The following PARD3B variants were observed in gnomAD, a reference collection of about 807,000 sequenced individuals.
The protein encoded by PARD3B is par-3 family cell polarity regulator beta.
PARD3B carries 103 observed loss-of-function variants against 130.2 expected under a neutral mutation model. The observed-to-expected ratio is 0.79, with a 90% CI of 0.67 to 0.93. The LOEUF is 0.93. PARD3B is among the 40% of genes least tolerant of loss of function. PARD3B has a pLI of 0.00. For synonymous variants in PARD3B, 583 were observed against 553.2 expected, an observed-to-expected ratio of 1.05 and a Z score of -0.76; for missense variants, 1,609 against 1,499.2, an observed-to-expected ratio of 1.07 and a Z score of -1.21.
intron 19 of PARD3B, among the ~76,000 whole-genome samples, chr2:205,401,732 G>T (rs2046259658): frequency 6.6e-6 from 1 of 152,142 alleles, no homozygotes; most frequent in Non-Finnish European, 1.5e-5. Flanking sequence ...ACGTATCTTT[G>T]ATGTTAACTC....
In PARD3B at chr2:204,624,977, A is replaced by G. The variant is rs554404182; in HGVS notation, c.121-61204A>G. On this transcript the variant is annotated intron_variant, in intron 1 of 22. Transcript: ENST00000406610. ...TTGTGGGTTTAGTTTACATTTCCCT[A>G]ATGGCTAGTGATGTTGAACCTTTTT... Among the ~76,000 whole-genome samples, 229 of 152,184 alleles carry G rather than the reference A, an allele frequency of 1.5e-3. 1 individual carries two copies. Among genetic ancestry groups the G allele is most frequent in the African/African-American group, 5.4e-3 (223 of 41,528 alleles).
chr2:205,316,699 T>C (rs562887203), intron 18 of PARD3B, among the ~76,000 whole-genome samples: 75 of 152,244 alleles, frequency 4.9e-4, no homozygotes, highest in African/African-American at 1.8e-3. Flanking sequence ...TATGTGCCCT[T>C]CTCTACCTCT....
In PARD3B at chr2:205,124,377, G is replaced by A; in HGVS notation, c.1216G>A (p.Gly406Ser). 1 of 1,599,218 alleles carries A rather than the reference G, an allele frequency of 6.3e-7. No individual in the cohort carries two copies. The change falls in exon 9 of 23, where the codon GGT (glycine) becomes AGT (serine). Residue 406 changes from glycine to serine, a missense_variant. Coordinates refer to ENST00000406610, the MANE Select transcript of PARD3B (RefSeq NM_001302769.2). ...TVVTRDSSIHGPGPIFVKNIL... is the reference protein window; with the variant it reads ...TVVTRDSSIHSPGPIFVKNIL... Reference sequence around the variant, plus strand: ...GGTTACCAGAGACTCTTCCATACATGGTCCCGGTCCCATTTTTGTAAAAAA... The same window carrying A: ...GGTTACCAGAGACTCTTCCATACATAGTCCCGGTCCCATTTTTGTAAAAAA...
rs372406832 is a variant in PARD3B at position 205,550,923 on chromosome 2, A to ATGTG, written c.3181-2385_3181-2382dup. On this transcript the variant is annotated intron_variant, in intron 21 of 22. Transcript: ENST00000406610. The surrounding 1 kb of genome is among the most constrained non-coding windows in gnomAD (Gnocchi z 4.5). ...AATCATGTTATAAATACATATAATTATGTGTGTGTGTGTGTGTGTATATAT... is the reference window on the plus strand; with the variant it reads ...AATCATGTTATAAATACATATAATTATGTGTGTGTGTGTGTGTGTGTGTATATAT... Among the ~76,000 whole-genome samples, 2 of 135,058 alleles carry ATGTG rather than the reference A, an allele frequency of 1.5e-5. No individual in the cohort carries two copies. Among genetic ancestry groups the ATGTG allele is most frequent in the South Asian group, 2.4e-4 (1 of 4,206 alleles). The allele number at this position is 135,058 out of a possible 152,430, so 88.6% of individuals were successfully genotyped here.
intron 2 of PARD3B, among the ~76,000 whole-genome samples, chr2:204,896,505 A>G (rs1405541969): frequency 6.6e-6 from 1 of 152,182 alleles, no homozygotes; most frequent in Non-Finnish European, 1.5e-5. Flanking sequence ...TATATATGAA[A>G]TGGAGGTAAC....
chr2:204,750,630 A>C (rs760182404), intron 2 of PARD3B, among the ~76,000 whole-genome samples: 1 of 149,246 alleles, frequency 6.7e-6, no homozygotes, highest in Non-Finnish European at 1.5e-5. Flanking sequence ...ACATACATAC[A>C]TACACACACA....
rs77857034 is a variant in PARD3B at position 205,030,177 on chromosome 2, T to C, written c.395-17404T>C. 1.2e-4 allele frequency among the ~76,000 whole-genome samples: 18 copies of C among 152,212 alleles called. 1 individual carries two copies. The East Asian group carries it at 3.5e-3, about 29-fold the overall frequency. On this transcript the variant is annotated intron_variant, in intron 3 of 22. Coordinates refer to ENST00000406610, the MANE Select transcript of PARD3B (RefSeq NM_001302769.2). ...CAGCCCACAGATTGAGAAAACCCTG[T>C]TTTTGAGGACAGAGATAGTCCCCTG...
chr2:204,670,516 A>C (rs1050814278), intron 1 of PARD3B, among the ~76,000 whole-genome samples: 2 of 152,230 alleles, frequency 1.3e-5, no homozygotes, highest in African/African-American at 4.8e-5. Flanking sequence ...TAATGTATGA[A>C]TCAAGGGATA....
At position 205,265,345 on chromosome 2, in the gene PARD3B, C is replaced by T. The variant is rs533757553; in HGVS notation, c.2185+19523C>T. 1.3e-5 allele frequency among the ~76,000 whole-genome samples: 2 copies of T among 152,108 alleles called. No individual in the cohort carries two copies. Among genetic ancestry groups the T allele is most frequent in the South Asian group, 4.1e-4 (2 of 4,828 alleles). On this transcript the variant is annotated intron_variant, in intron 16 of 22. Coordinates refer to ENST00000406610, the MANE Select transcript of PARD3B (RefSeq NM_001302769.2). This position sits in a 1 kb window ranked among gnomAD's most constrained non-coding sequence, Gnocchi z 4.3. ...CAAGTTGGCGGATCTGATCATCAGT[C>T]TCTAAATGTTAGTAATCATTTGGTT...
chr2:205,004,196 A>C (rs962113932), intron 3 of PARD3B, among the ~76,000 whole-genome samples: 17 of 152,266 alleles, frequency 1.1e-4, no homozygotes, highest in African/African-American at 4.1e-4. Flanking sequence ...TTAGCCCTGA[A>C]GGCTCTTTGT....
chr2:205,097,611 C>T (rs1702477518), intron 4 of PARD3B, among the ~76,000 whole-genome samples: 1 of 152,148 alleles, frequency 6.6e-6, no homozygotes, highest in Non-Finnish European at 1.5e-5. Context: ...TCACCCTAGA[C>T]CTACTGCAGT....
rs148450834 is a variant in PARD3B, at chr2:205,235,193, G to T, written c.2141-10585G>T. Among the ~76,000 whole-genome samples the T allele has an allele frequency of 6.4e-3, 977 of 152,218 alleles. 13 individuals carry two copies. The highest frequency in any genetic ancestry group is 0.022 in the African/African-American group (921 of 41,534). On this transcript the variant is annotated intron_variant, in intron 15 of 22. Transcript: ENST00000406610. ...CACAGCAATTTGGGAGGCTGAGGTG[G>T]GCAGATCATTTGAGCGTAGGAGTTT... is the stretch of plus-strand genomic sequence containing the variant.
At chr2:204,808,030 T>G (rs2042836123) in intron 2 of PARD3B, among the ~76,000 whole-genome samples, 1 of 152,056 alleles carries the variant, frequency 6.6e-6, no homozygotes, top group African/African-American at 2.4e-5. Flanking sequence ...TACTCTAATG[T>G]GATTATTACA....
At chr2:204,684,263 A>G (rs990602644) in intron 1 of PARD3B, among the ~76,000 whole-genome samples, 10 of 152,178 alleles carry the variant, frequency 6.6e-5, no homozygotes, top group African/African-American at 2.2e-4. Flanking sequence ...GCCTGCTTTT[A>G]AGTACAAATA....
chr2:205,103,123 A>T (rs1702907093), intron 4 of PARD3B, among the ~76,000 whole-genome samples: 1 of 134,248 alleles, frequency 7.4e-6, no homozygotes, highest in Admixed American at 8.0e-5. Flanking sequence ...TTTTATATTT[A>T]TGTAAAATAA....
intron 2 of PARD3B, among the ~76,000 whole-genome samples, chr2:204,724,423 A>C (rs2039128597): frequency 6.6e-6 from 1 of 152,154 alleles, no homozygotes; most frequent in Non-Finnish European, 1.5e-5. Context: ...TAATGTATTC[A>C]CAGCAAGGAT....
intron 1 of PARD3B, among the ~76,000 whole-genome samples, chr2:204,649,516 A>T (rs1177527587): frequency 6.6e-6 from 1 of 152,026 alleles, no homozygotes; most frequent in East Asian, 1.9e-4. Flanking sequence ...AGAAAGAAAC[A>T]TCATTATTAT....
At chr2:205,378,448 T>A (rs1367831703) in intron 18 of PARD3B, among the ~76,000 whole-genome samples, 1 of 152,120 alleles carries the variant, frequency 6.6e-6, no homozygotes, top group Non-Finnish European at 1.5e-5. Flanking sequence ...GTGTCATTTT[T>A]CTTTGTTTTA....
At chr2:204,584,363 C>T (rs949359716) in intron 1 of PARD3B, among the ~76,000 whole-genome samples, 1 of 151,956 alleles carries the variant, frequency 6.6e-6, no homozygotes, top group Non-Finnish European at 1.5e-5. Context: ...GTATATATTG[C>T]TTATATAAGT....
Sources: allele counts gnomAD v4.1 joint callset (sites outside exome capture counted in the v4.1 genomes callset), GRCh38; gene constraint gnomAD v4.1.1; non-coding constraint Gnocchi (gnomAD v3.1); transcripts MANE v1.5; gene names NCBI Gene and HGNC (gene_info 2026-07-23, HGNC 2026-07-21).